TMPRSS4: variants seen among roughly 807,000 people sequenced by gnomAD.
The protein encoded by TMPRSS4 is transmembrane protease serine 4.
A neutral mutation model predicts 56.4 loss-of-function variants in TMPRSS4; 45 were observed. The ratio of observed to expected loss-of-function variants is 0.80; its 90% CI spans 0.63 to 1.02. TMPRSS4 has a LOEUF of 1.02. Among genes scored for constraint, TMPRSS4 ranks in the 50% least tolerant of loss-of-function variants. The pLI, the probability that TMPRSS4 is intolerant of heterozygous loss-of-function variation, is 0.00. For synonymous variants in TMPRSS4, 205 were observed against 211.0 expected (o/e 0.97, Z 0.25); for missense variants, 546 against 556.7 (o/e 0.98, Z 0.19).
At chr11:118,115,332 G>A (rs776203185) in intron 11 of TMPRSS4, 52 bp downstream of exon 11, 3 of 1,585,838 alleles carry the variant, frequency 1.9e-6, no homozygotes, top group African/African-American at 2.7e-5. Flanking sequence ...TTAGGTCCTA[G>A]AGAGATGAGA....
At chr11:118,125,220 G>C (rs1947865239), downstream of TMPRSS4, 12 of 454,392 alleles carry the variant, frequency 2.6e-5, no homozygotes, top group South Asian at 1.9e-4. Context: ...GATTGTCTGT[G>C]GGGTAAATGT....
intron 11 of TMPRSS4, 130 bp from the exon 12 acceptor site, chr11:118,117,175 G>A (rs1947605967): frequency 2.2e-6 from 2 of 914,236 alleles, no homozygotes; most frequent in Middle Eastern, 3.4e-4. Context: ...GAGCAAAGAG[G>A]GTGAGGGTGG....
chr11:118,118,916 A>C lies in TMPRSS4; in HGVS notation c.*1003A>C. On this transcript the variant is annotated 3_prime_UTR_variant, in exon 13 of 13. Coordinates refer to ENST00000437212, the MANE Select transcript of TMPRSS4 (RefSeq NM_019894.4). Reference sequence around the variant, plus strand: ...GCTGCCAGGTGTGAGGCAGTCCCCAAGCTGAGTTGTGAGGATGTAAGCATG... The same window carrying C: ...GCTGCCAGGTGTGAGGCAGTCCCCACGCTGAGTTGTGAGGATGTAAGCATG... The C allele has an allele frequency of 2.0e-6, 2 of 985,450 alleles. No individual in the cohort carries two copies. The highest frequency in any genetic ancestry group is 2.4e-6 in the Non-Finnish European group (2 of 829,940). The allele number at this position is 985,450 out of a possible 1,614,324, so 61.0% of individuals were successfully genotyped here. A position where few individuals can be genotyped will look rare whatever the true frequency, so the allele number is the denominator to read the frequency against.
chr11:118,084,025 G>A (rs1018304848), intron 1 of TMPRSS4, among the ~76,000 whole-genome samples: 7 of 152,130 alleles, frequency 4.6e-5, no homozygotes, highest in African/African-American at 1.4e-4. Context: ...GCAACAGAGC[G>A]AGACTCCATC....
At chr11:118,079,596 G>T (rs1016275377) in intron 1 of TMPRSS4, among the ~76,000 whole-genome samples, 5 of 152,174 alleles carry the variant, frequency 3.3e-5, no homozygotes, top group Non-Finnish European at 7.4e-5. Flanking sequence ...AGACCTAAAC[G>T]CACCCTGAGC....
chr11:118,116,703 A>G (rs1462767068), intron 11 of TMPRSS4, among the ~76,000 whole-genome samples: 1 of 145,318 alleles, frequency 6.9e-6, no homozygotes, highest in African/African-American at 2.6e-5. Flanking sequence ...AGGTTAAACA[A>G]TGATAACCAG....
rs775157587 is a variant in TMPRSS4, at chr11:118,117,394, C to G, written c.1242C>G (p.Ser414Arg). ...VSWGYGCGGPSTPGVYTKVSA... is the reference protein window; with the variant it reads ...VSWGYGCGGPRTPGVYTKVSA... ...GGGGCTATGGCTGCGGGGGCCCGAGCACCCCAGGAGTATACACCAAGGTCT... is the reference window on the plus strand; with the variant it reads ...GGGGCTATGGCTGCGGGGGCCCGAGGACCCCAGGAGTATACACCAAGGTCT... The change falls in exon 12 of 13, where the codon AGC becomes AGG. Residue 414 changes from serine (S) to arginine (R), a missense_variant. By Grantham distance (110) the Ser-to-Arg change is moderately radical. Transcript: ENST00000437212. The G allele has an allele frequency of 6.2e-7, 1 of 1,613,998 alleles. No individual in the cohort carries two copies. The highest frequency in any genetic ancestry group is 1.3e-5 in the African/African-American group (1 of 74,904).
intron 7 of TMPRSS4, among the ~76,000 whole-genome samples, chr11:118,110,603 C>G (rs1947228947): frequency 6.6e-6 from 1 of 152,166 alleles, no homozygotes; most frequent in African/African-American, 2.4e-5. Flanking sequence ...GAACTCCTGA[C>G]CTCAGGTGAT....
Position 118,107,802 on chromosome 11 carries a change from G to A in TMPRSS4, c.469G>A (p.Gly157Ser), listed in dbSNP as rs564410514. The change falls in exon 6 of 13, where the codon GGC (glycine) becomes AGC (serine). Residue 157 changes from glycine (G) to serine (S), a missense_variant. Transcript: ENST00000437212. Reference protein sequence around the residue: ...SKPTFRAVEIGPDQDLDVVEI... With the variant: ...SKPTFRAVEISPDQDLDVVEI... ...ACCCACTTTCAGAGCTGTGGAGATTGGCCCAGACCAGGATCTGGATGTTGT... is the reference window on the plus strand; with the variant it reads ...ACCCACTTTCAGAGCTGTGGAGATTAGCCCAGACCAGGATCTGGATGTTGT... 4.0e-5 allele frequency: 65 copies of A among 1,614,124 alleles called. 1 individual carries two copies. In the South Asian group the frequency reaches 7.0e-4, roughly 17 times the overall value.
chr11:118,095,281 A>C (rs1484590824), intron 2 of TMPRSS4: 1 of 165,268 alleles, frequency 6.1e-6, no homozygotes, highest in Non-Finnish European at 1.3e-5. Flanking sequence ...CCTGATTTCC[A>C]AGGGAAGAAA....
rs375610346 is a variant in TMPRSS4 at position 118,113,250 on chromosome 11, C to T, written c.744-19C>T. ...CTCAGGCTTGGATCAGGCCTGAACC[C>T]AGCTGTCTCTACCCCCAGGAAACAT... On this transcript the variant is annotated intron_variant, in intron 8 of 12. Transcript: ENST00000437212. 58 of 1,611,446 alleles carry T rather than the reference C, an allele frequency of 3.6e-5. No homozygotes were observed. The African/African-American group carries it at 5.7e-4, about 16-fold the overall frequency.
chr11:118,110,317 A>G (rs1480418721), intron 7 of TMPRSS4, among the ~76,000 whole-genome samples: 5 of 150,570 alleles, frequency 3.3e-5, no homozygotes, highest in African/African-American at 1.2e-4. Context: ...GCAAACCAAG[A>G]GGGGGATAGA....
Position 118,103,169 on chromosome 11 carries a change from CTG to C in TMPRSS4, c.231_232del (p.Cys77Ter). ...QPLHFIPRKQ[L>X]CDGELDCPLG... is the part of the protein sequence containing the mutation. ...TCTCCACTTCATCCCGAGGAAGCAG[CTG>C]TGTGACGGAGAGCTGGACTGTCCCT... is the stretch of plus-strand genomic sequence containing the variant. On this transcript the variant is annotated frameshift_variant, in exon 4 of 13. Coordinates refer to ENST00000437212, the MANE Select transcript of TMPRSS4 (RefSeq NM_019894.4). LOFTEE classifies it high-confidence loss of function. The C allele has an allele frequency of 6.2e-7, 1 of 1,614,238 alleles. No homozygotes were observed. The highest frequency in any genetic ancestry group is 8.5e-7 in the Non-Finnish European group (1 of 1,180,038).
chr11:118,100,149 T>C (rs368579140), intron 3 of TMPRSS4, among the ~76,000 whole-genome samples: 37 of 152,164 alleles, frequency 2.4e-4, no homozygotes, highest in African/African-American at 8.7e-4. Context: ...ACCCTCAGTC[T>C]CCGCACCTGT....
At chr11:118,084,069 C>T (rs1160659163) in intron 1 of TMPRSS4, among the ~76,000 whole-genome samples, 1 of 152,156 alleles carries the variant, frequency 6.6e-6, no homozygotes, top group Non-Finnish European at 1.5e-5. Flanking sequence ...TTATCGTACT[C>T]TTACCGTGCA....
intron 1 of TMPRSS4, chr11:118,087,520 G>A (rs1945647762): frequency 6.6e-6 from 1 of 152,206 alleles, no homozygotes; most frequent in Admixed American, 6.5e-5. Context: ...GAGACATTGA[G>A]GAGTGTGCCC....
chr11:118,078,397 C>A (rs1042942596), intron 1 of TMPRSS4, among the ~76,000 whole-genome samples: 1 of 152,038 alleles, frequency 6.6e-6, no homozygotes, highest in African/African-American at 2.4e-5. Flanking sequence ...TGCAGGGGCC[C>A]CTCGAGTGAT....
intron 9 of TMPRSS4, 68 bp downstream of exon 9, chr11:118,113,503 T>C (rs1947388626): frequency 3.2e-6 from 5 of 1,560,154 alleles, no homozygotes; most frequent in East Asian, 4.5e-5. Flanking sequence ...TGCTATTAGC[T>C]CACTGACCGC....
At chr11:118,105,882 T>C (rs1784075730) in intron 5 of TMPRSS4, 1 of 152,242 alleles carries the variant, frequency 6.6e-6, no homozygotes, top group African/African-American at 2.4e-5. Flanking sequence ...CAGTAAATGC[T>C]CCAGGCAGCC....
Sources: allele counts gnomAD v4.1 joint callset (sites outside exome capture counted in the v4.1 genomes callset), GRCh38; gene constraint gnomAD v4.1.1; transcripts MANE v1.5; gene names NCBI Gene and HGNC (gene_info 2026-07-23, HGNC 2026-07-21).